PLAAT5: variants seen among roughly 807,000 people sequenced by gnomAD.
PLAAT5 encodes Ca(2+)-independent N-acyltransferase.
A neutral mutation model predicts 27.8 loss-of-function variants in PLAAT5; 27 were observed. That is an observed-to-expected ratio of 0.97 (90% CI 0.72 to 1.34). The LOEUF (loss-of-function observed/expected upper bound fraction) is 1.34. Among genes scored for constraint, PLAAT5 ranks in the 40% most tolerant of loss-of-function variants. The pLI is 0.00. For synonymous variants in PLAAT5, 125 were observed against 136.1 expected, an observed-to-expected ratio of 0.92 and a Z score of 0.57; for missense variants, 368 against 343.8, an observed-to-expected ratio of 1.07 and a Z score of -0.56.
intron 3 of PLAAT5, among the ~76,000 whole-genome samples, chr11:63,488,302 T>C (rs1486712306): frequency 6.6e-6 from 1 of 152,174 alleles, no homozygotes; most frequent in African/African-American, 2.4e-5. Context: ...AGAGAGGGAT[T>C]ACAAAAGGCA....
intron 5 of PLAAT5, among the ~76,000 whole-genome samples, chr11:63,465,139 G>C (rs947791545): frequency 6.6e-6 from 1 of 151,912 alleles, no homozygotes; most frequent in African/African-American, 2.4e-5. Context: ...TTAGCCAGAC[G>C]TGGTGGCGCA....
intron 3 of PLAAT5, among the ~76,000 whole-genome samples, chr11:63,480,349 C>T (rs1304424047): frequency 2.0e-5 from 3 of 152,114 alleles, no homozygotes; most frequent in Non-Finnish European, 2.9e-5. Context: ...TCAAGGATGT[C>T]GAACAAGCTT....
intron 3 of PLAAT5, among the ~76,000 whole-genome samples, chr11:63,483,612 C>A: frequency 8.2e-6 from 1 of 121,912 alleles, no homozygotes; most frequent in South Asian, 2.6e-4. Flanking sequence ...AAAAGTGGTG[C>A]TAAGAGGAAA....
At chr11:63,480,308 A>G (rs1485292787) in intron 3 of PLAAT5, among the ~76,000 whole-genome samples, 1 of 152,254 alleles carries the variant, frequency 6.6e-6, no homozygotes, top group Non-Finnish European at 1.5e-5. Flanking sequence ...TCTAAGCCAG[A>G]AGAAAGCTCA....
At position 63,487,481 on chromosome 11, in the gene PLAAT5, T is replaced by C. The variant is rs577071407; in HGVS notation, c.345+1390A>G. On this transcript the variant is annotated intron_variant, in intron 3 of 5. Coordinates refer to ENST00000540857, the MANE Select transcript of PLAAT5 (RefSeq NM_001146729.2). The stretch of plus-strand genomic sequence containing the variant: ...ATAAACTGCTGGTAGGAATGTAAAA[T>C]GATACAACCACTGTGGAAAACAGTA... 5.3e-5 allele frequency among the ~76,000 whole-genome samples: 8 copies of C among 152,056 alleles called. No individual in the cohort carries two copies. In the South Asian group the frequency reaches 1.7e-3, roughly 32 times the overall value.
At chr11:63,469,127 TGTG>T (rs1565208794) in intron 3 of PLAAT5, among the ~76,000 whole-genome samples, 4 of 145,824 alleles carry the variant, frequency 2.7e-5, no homozygotes, top group Non-Finnish European at 5.9e-5. Flanking sequence ...TGTGTGTGTG[TGTG>T]TGTGTGTGTG....
chr11:63,463,651 C>A, intron 5 of PLAAT5, 56 bp from the exon 6 acceptor site: 1 of 1,380,152 alleles, frequency 7.2e-7, no homozygotes, highest in Non-Finnish European at 1.0e-6. Flanking sequence ...CTTGCACCCT[C>A]CCCTACCTCC....
Position 63,468,376 on chromosome 11 carries a change from C to A in PLAAT5, c.435G>T (p.Val145=), listed in dbSNP as rs2015920155. 1 of 1,613,196 alleles carries A rather than the reference C, an allele frequency of 6.2e-7. No homozygotes were observed. Among genetic ancestry groups the A allele is most frequent in the South Asian group, 1.1e-5 (1 of 91,052 alleles). Residue 145 remains valine (V), a synonymous_variant, in exon 4 of 6, where the codon GTG becomes GTT. Transcript: ENST00000540857. ...HWAIYVEDDC[V]VHLAPPSEEF... is the part of the protein sequence containing the mutation. Reference sequence around the variant, plus strand: ...TCTTACTTGGGGGAGCCAGATGGACCACGCAATCATCTTCTACATAGATGG... The same window carrying A: ...TCTTACTTGGGGGAGCCAGATGGACAACGCAATCATCTTCTACATAGATGG...
chr11:63,481,121 TG>T (rs1283136593), intron 3 of PLAAT5, among the ~76,000 whole-genome samples: 2 of 152,246 alleles, frequency 1.3e-5, no homozygotes, highest in African/African-American at 4.8e-5. Context: ...CACCTTTCTC[TG>T]GTATCTCCTT....
At chr11:63,480,594 GTT>G (rs1415011895) in intron 3 of PLAAT5, among the ~76,000 whole-genome samples, 1 of 152,106 alleles carries the variant, frequency 6.6e-6, no homozygotes, top group Non-Finnish European at 1.5e-5. Flanking sequence ...CTCAGCCTTG[GTT>G]ACAAATTGAA....
chr11:63,483,838 TATATAC>T (rs1175729954), intron 3 of PLAAT5, among the ~76,000 whole-genome samples: 15 of 108,924 alleles, frequency 1.4e-4, no homozygotes, highest in African/African-American at 4.0e-4. Context: ...TATATATATA[TATATAC>T]ACATATATAT....
chr11:63,480,135 T>C (rs956596966), intron 3 of PLAAT5, among the ~76,000 whole-genome samples: 2 of 152,158 alleles, frequency 1.3e-5, no homozygotes, highest in African/African-American at 4.8e-5. Flanking sequence ...TCACCATCCC[T>C]CCACCTTGGA....
In PLAAT5 at chr11:63,463,283, A is replaced by G. The variant is rs764053598; in HGVS notation, c.*220T>C. ...CCTAGCACAGTGCCTGGCGCATAAG[A>G]GATACACACTAGATACCAGATCCTT... On this transcript the variant is annotated 3_prime_UTR_variant, in exon 6 of 6. Transcript: ENST00000540857. The G allele has an allele frequency of 1.0e-4, 59 of 579,534 alleles. No homozygotes were observed. The highest frequency in any genetic ancestry group is 1.7e-4 in the Non-Finnish European group (55 of 322,706). The allele number at this position is 579,534 out of a possible 1,614,324, so 35.9% of individuals were successfully genotyped here.
chr11:63,481,382 G>C lies in PLAAT5; in HGVS notation c.345+7489C>G, dbSNP rs551813406. Among the ~76,000 whole-genome samples the C allele has an allele frequency of 2.0e-5, 3 of 152,378 alleles. No individual in the cohort carries two copies. In the East Asian group the frequency reaches 5.8e-4, roughly 29 times the overall value. ...TTGAACCTGGGAGATGGAGGTTGCA[G>C]TGAGCCAAGATCGTGCCATTGCACT... On this transcript the variant is annotated intron_variant, in intron 3 of 5. Transcript: ENST00000540857.
chr11:63,469,103 C>T (rs891606469), intron 3 of PLAAT5, among the ~76,000 whole-genome samples: 3 of 134,350 alleles, frequency 2.2e-5, no homozygotes, highest in Admixed American at 7.5e-5. Context: ...TCTCTATTAT[C>T]GTGTGTGTGT....
intron 3 of PLAAT5, among the ~76,000 whole-genome samples, chr11:63,479,591 G>C (rs2016236191): frequency 6.6e-6 from 1 of 152,152 alleles, no homozygotes; most frequent in African/African-American, 2.4e-5. Context: ...AATGAGAGAG[G>C]AAGAGAAGTT....
At chr11:63,480,703 A>C (rs953096359) in intron 3 of PLAAT5, among the ~76,000 whole-genome samples, 1 of 152,164 alleles carries the variant, frequency 6.6e-6, no homozygotes, top group Non-Finnish European at 1.5e-5. Context: ...GGTGCAGCCA[A>C]GGTTGCGGTT....
At chr11:63,480,332 C>G (rs1049039415) in intron 3 of PLAAT5, among the ~76,000 whole-genome samples, 2 of 152,302 alleles carry the variant, frequency 1.3e-5, no homozygotes, top group Admixed American at 6.5e-5. Context: ...AACCCAAGTT[C>G]TGTTCATCAA....
chr11:63,476,667 T>C (rs191474377), intron 3 of PLAAT5, among the ~76,000 whole-genome samples: 1 of 152,332 alleles, frequency 6.6e-6, no homozygotes, highest in East Asian at 1.9e-4. Flanking sequence ...CTTTCATCTG[T>C]TTGAATGATA....
Sources: gnomAD v4.1 joint callset for allele counts (sites outside exome capture counted in the v4.1 genomes callset) on GRCh38, gnomAD v4.1.1 for gene constraint, MANE v1.5 for transcripts, NCBI Gene and HGNC (gene_info 2026-07-23, HGNC 2026-07-21) for gene names.